ELP2: variants seen among roughly 807,000 people sequenced by gnomAD.
The protein encoded by ELP2 is elongator acetyltransferase complex subunit 2, also known as elongator complex protein 2.
ELP2 carries 90 observed loss-of-function variants against 119.2 expected under a neutral mutation model. The observed-to-expected ratio is 0.75, with a 90% CI of 0.64 to 0.90. The LOEUF is 0.90. Ranked by LOEUF, ELP2 falls within the 40% of genes least tolerant of loss-of-function variation. The pLI is 0.00. For missense variants in ELP2, 921 were observed against 967.8 expected (o/e 0.95, Z 0.64); for synonymous variants, 339 against 331.0 (o/e 1.02, Z -0.26).
intron 13 of ELP2, among the ~76,000 whole-genome samples, chr18:36,157,396 GGAGAGAGCAAAGGGAAGAGA>G (rs967215961): frequency 2.0e-5 from 3 of 152,026 alleles, no homozygotes; most frequent in Non-Finnish European, 4.4e-5. Flanking sequence ...GGAGAGAGAG[GGAGAGAGCAAAGGGAAGAGA>G]GAGAGAGCAA....
intron 8 of ELP2, 45 bp downstream of exon 8, chr18:36,143,011 C>T: frequency 6.9e-7 from 1 of 1,439,618 alleles, no homozygotes; most frequent in Non-Finnish European, 9.6e-7. Context: ...CTTAGGTCTC[C>T]TAGTTGGTTG....
chr18:36,138,411 A>G lies in ELP2; in HGVS notation c.430A>G (p.Lys144Glu), dbSNP rs781779741. ...AGATTCTGCTGTTCGACTCTGGTCT[A>G]AAAAGGGTCCAGAAGGTAGGTTTGG... is the stretch of plus-strand genomic sequence containing the variant. Reference protein sequence around the residue: ...AADSAVRLWSKKGPEVMCLQT... With the variant: ...AADSAVRLWSEKGPEVMCLQT... Residue 144 changes from lysine (K) to glutamate (E), a missense_variant, in exon 4 of 22, where the codon AAA becomes GAA. Coordinates refer to ENST00000358232, the MANE Select transcript of ELP2 (RefSeq NM_018255.4). 4 of 1,613,736 alleles carry G rather than the reference A, an allele frequency of 2.5e-6. No homozygotes were observed. The highest frequency in any genetic ancestry group is 1.3e-5 in the African/African-American group (1 of 74,930).
intron 13 of ELP2, 68 bp downstream of exon 13, chr18:36,156,722 C>T: frequency 6.9e-7 from 1 of 1,458,314 alleles, no homozygotes; most frequent in Non-Finnish European, 9.6e-7. Flanking sequence ...GGATTTTTGC[C>T]TTAGGCTTTA....
chr18:36,138,907 G>C, intron 5 of ELP2, 35 bp downstream of exon 5: 1 of 1,476,790 alleles, frequency 6.8e-7, no homozygotes, highest in Non-Finnish European at 9.5e-7. Flanking sequence ...TAAAAGGGCA[G>C]TATATTTGCA....
At position 36,154,990 on chromosome 18, in the gene ELP2, C is replaced by A; in HGVS notation, c.1266C>A (p.Asp422Glu). The A allele has an allele frequency of 6.2e-7, 1 of 1,612,448 alleles. No homozygotes were observed. Among genetic ancestry groups the A allele is most frequent in the South Asian group, 1.1e-5 (1 of 91,044 alleles). The part of the protein sequence containing the change: ...TRLFAPWKRK[D>E]QSQVTWHEIA... ...TTTTTGCTCCATGGAAGAGAAAAGA[C>A]CAATCACAGGTAAAATGTCTTATTT... is the stretch of plus-strand genomic sequence containing the variant. The change falls in exon 12 of 22, where the codon GAC becomes GAA. Residue 422 changes from aspartate to glutamate, a missense_variant. Coordinates refer to ENST00000358232, the MANE Select transcript of ELP2 (RefSeq NM_018255.4).
Position 36,141,140 on chromosome 18 carries a change from C to A in ELP2, c.527C>A (p.Pro176Gln). The A allele has an allele frequency of 6.2e-7, 1 of 1,613,352 alleles. No individual in the cohort carries two copies. The highest frequency in any genetic ancestry group is 8.5e-7 in the Non-Finnish European group (1 of 1,179,498). The change falls in exon 6 of 22, where the codon CCA (proline) becomes CAA (glutamine). Residue 176 changes from proline (P) to glutamine (Q), a missense_variant. Transcript: ENST00000358232. Reference sequence around the variant, plus strand: ...AGCCTGTTTTTTCTTCCCCCAGTACCAATATTAGCATGTGGCAATGATGAT... The same window carrying A: ...AGCCTGTTTTTTCTTCCCCCAGTACAAATATTAGCATGTGGCAATGATGAT... The part of the protein sequence containing the change: ...CLSFLPNTDV[P>Q]ILACGNDDCR...
intron 3 of ELP2, chr18:36,138,005 A>G (rs1221587062): frequency 2.4e-5 from 10 of 412,864 alleles, no homozygotes; most frequent in Non-Finnish European, 9.0e-6. Context: ...TAATCCAAAA[A>G]GAGGAACATT....
chr18:36,166,668 G>A (rs914780796), intron 18 of ELP2, among the ~76,000 whole-genome samples: 1 of 152,026 alleles, frequency 6.6e-6, no homozygotes, highest in Non-Finnish European at 1.5e-5. Context: ...CCATATAAGG[G>A]CTAGAACTTC....
chr18:36,161,723 C>T (rs1226203029), intron 17 of ELP2, among the ~76,000 whole-genome samples: 1 of 152,198 alleles, frequency 6.6e-6, no homozygotes, highest in South Asian at 2.1e-4. Flanking sequence ...GAGCCGCCCA[C>T]CTGCATGGGC....
intron 21 of ELP2, among the ~76,000 whole-genome samples, chr18:36,173,790 T>A (rs1015322056): frequency 1.3e-5 from 2 of 151,840 alleles, no homozygotes; most frequent in African/African-American, 4.9e-5. Context: ...ACTTTATTCC[T>A]TTTTGGTTTG....
chr18:36,154,911 G>A lies in ELP2; in HGVS notation c.1187G>A (p.Trp396Ter). The A allele has an allele frequency of 3.7e-6, 6 of 1,613,430 alleles. No individual in the cohort carries two copies. Among genetic ancestry groups the A allele is most frequent in the Non-Finnish European group, 5.1e-6 (6 of 1,179,402 alleles). ...GHFDGVQDLV[W>*]DPEGEFIITV... ...TTTGATGGTGTCCAAGACCTAGTCTGGGATCCAGAAGGAGAATTTATTATC... is the reference window on the plus strand; with the variant it reads ...TTTGATGGTGTCCAAGACCTAGTCTAGGATCCAGAAGGAGAATTTATTATC... Residue 396 changes from tryptophan (W) to a stop codon, truncating the protein, a stop_gained, in exon 12 of 22, where the codon TGG becomes TAG. Transcript: ENST00000358232. LOFTEE classifies it high-confidence loss of function.
At position 36,170,053 on chromosome 18, in the gene ELP2, T is replaced by TCTG; in HGVS notation, c.2077-9_2077-7dup. On this transcript the variant is annotated splice_polypyrimidine_tract_variant and intron_variant, in intron 19 of 21. Transcript: ENST00000358232. ...AGAAGGCTTTACAGTGTGTGATCTG[T>TCTG]CTGTATTAGGTGGTTGTCTGGGGTG... is the stretch of plus-strand genomic sequence containing the variant. 6.2e-7 allele frequency: 1 copy of TCTG among 1,614,156 alleles called. No homozygotes were observed. Among genetic ancestry groups the TCTG allele is most frequent in the African/African-American group, 1.3e-5 (1 of 75,034 alleles).
At position 36,170,153 on chromosome 18, in the gene ELP2, G is replaced by C; in HGVS notation, c.2167G>C (p.Val723Leu). Residue 723 changes from valine to leucine, a missense_variant, in exon 20 of 22, where the codon GTG becomes CTG. Coordinates refer to ENST00000358232, the MANE Select transcript of ELP2 (RefSeq NM_018255.4). ...CSSVLDVGGA[V>L]TAVSVCPVLH... ...CTCAGTCCTGGACGTGGGTGGGGCT[G>C]TGACAGCTGTCAGCGTCTGCCCAGT... The C allele has an allele frequency of 1.2e-6, 2 of 1,614,114 alleles. No homozygotes were observed. Among genetic ancestry groups the C allele is most frequent in the Non-Finnish European group, 1.7e-6 (2 of 1,180,020 alleles).
At chr18:36,132,929 C>T (rs998111691) in intron 1 of ELP2, among the ~76,000 whole-genome samples, 8 of 151,882 alleles carry the variant, frequency 5.3e-5, no homozygotes, top group African/African-American at 1.2e-4. Flanking sequence ...GACAGGCTGC[C>T]TAGGTGAAAA....
In ELP2 at chr18:36,144,922, C is replaced by T; in HGVS notation, c.797-17C>T. 6.3e-7 allele frequency: 1 copy of T among 1,586,656 alleles called. No individual in the cohort carries two copies. The highest frequency in any genetic ancestry group is 1.7e-5 in the Admixed American group (1 of 59,984). ...AAGAGCTTTGAGGAAATAATACCTT[C>T]ATTGCTTTTGTTATAGGTGTTAAAA... On this transcript the variant is annotated splice_polypyrimidine_tract_variant and intron_variant, in intron 8 of 21. Coordinates refer to ENST00000358232, the MANE Select transcript of ELP2 (RefSeq NM_018255.4).
intron 17 of ELP2, 58 bp from the exon 18 acceptor site, chr18:36,164,417 G>A (rs12959905): frequency 0.032 from 48,155 of 1,485,654 alleles, 991 homozygotes; most frequent in Non-Finnish European, 0.038. Context: ...TTTTTAAAAT[G>A]TTTTCTCTTC....
At chr18:36,133,142 T>C (rs1459118224) in intron 1 of ELP2, 96 bp from the exon 2 acceptor site, 1 of 834,744 alleles carries the variant, frequency 1.2e-6, no homozygotes, top group African/African-American at 1.7e-5. Context: ...CTGATCTTTT[T>C]ACTAGCATCG....
chr18:36,149,434 G>A (rs2090316189), intron 11 of ELP2, among the ~76,000 whole-genome samples: 1 of 148,094 alleles, frequency 6.8e-6, no homozygotes, highest in Admixed American at 6.8e-5. Flanking sequence ...TCATGCCTTA[G>A]GAATTTTGAT....
chr18:36,165,202 C>G (rs964083000), intron 18 of ELP2: 1 of 154,212 alleles, frequency 6.5e-6, no homozygotes, highest in African/African-American at 2.4e-5. Context: ...TATTAGGCAT[C>G]CATCTGGATA....
Sources: allele counts gnomAD v4.1 joint callset (sites outside exome capture counted in the v4.1 genomes callset), GRCh38; gene constraint gnomAD v4.1.1; transcripts MANE v1.5; gene names NCBI Gene and HGNC (gene_info 2026-07-23, HGNC 2026-07-21).